Variants in PLCB1 observed in about 807,000 individuals in gnomAD.
PLCB1 encodes the protein phospholipase C beta 1, also known as 1-phosphatidylinositol 4,5-bisphosphate phosphodiesterase beta-1.
In PLCB1, 46 loss-of-function variants were observed where a neutral mutation model predicts 161.8. That is an observed-to-expected ratio of 0.28 (90% CI 0.22 to 0.36). PLCB1 has a LOEUF of 0.36. PLCB1 is among the 10% of genes least tolerant of loss of function. The pLI is 1.00. For missense variants in PLCB1, 1,016 were observed against 1,472.5 expected (o/e 0.69, Z 5.07); for synonymous variants, 517 against 503.7 (o/e 1.03, Z -0.35).
chr20:8,594,357 G>T (rs1447674841), intron 3 of PLCB1, among the ~76,000 whole-genome samples: 1 of 151,756 alleles, frequency 6.6e-6, no homozygotes, highest in Non-Finnish European at 1.5e-5. Context: ...GGTCCATGGT[G>T]TTCCTGGGCT....
chr20:8,651,737 G>A, intron 7 of PLCB1: 1 of 443,882 alleles, frequency 2.3e-6, no homozygotes, highest in East Asian at 3.1e-5. Context: ...TGTAAACTGG[G>A]GGAAGTGCTA....
chr20:8,293,843 C>T (rs371195708), intron 2 of PLCB1, among the ~76,000 whole-genome samples: 10 of 152,198 alleles, frequency 6.6e-5, no homozygotes, highest in African/African-American at 2.4e-4. Flanking sequence ...GACACCATTT[C>T]CCATTCTAAG....
intron 2 of PLCB1, among the ~76,000 whole-genome samples, chr20:8,359,434 T>C (rs1600341628): frequency 6.6e-6 from 1 of 152,104 alleles, no homozygotes; most frequent in African/African-American, 2.4e-5. Flanking sequence ...GAAAGTAAAA[T>C]AAAGAGAATA....
Position 8,881,613 on chromosome 20 carries a change from G to C in PLCB1, c.3424-9G>C. ...ACTTCAAGTCATCTCCCCTCTTGAT[G>C]TCTCTCAGCTGCAGGTGGAGCTGGA... is the stretch of plus-strand genomic sequence containing the variant. On this transcript the variant is annotated splice_polypyrimidine_tract_variant and intron_variant, in intron 31 of 31. Transcript: ENST00000338037. The C allele has an allele frequency of 6.2e-7, 1 of 1,607,882 alleles. No homozygotes were observed. Among genetic ancestry groups the C allele is most frequent in the South Asian group, 1.1e-5 (1 of 90,922 alleles).
chr20:8,773,617 A>G (rs1441481890), intron 26 of PLCB1, among the ~76,000 whole-genome samples: 1 of 152,214 alleles, frequency 6.6e-6, no homozygotes, highest in Non-Finnish European at 1.5e-5. Context: ...GGGTAAAGAT[A>G]TCAGTGAAGT....
Position 8,674,979 on chromosome 20 carries a change from AT to A in PLCB1, c.863-9945del, listed in dbSNP as rs1462336226. Among the ~76,000 whole-genome samples the A allele has an allele frequency of 8.6e-5, 13 of 151,984 alleles. 1 individual carries two copies. The East Asian group carries it at 2.5e-3, about 29-fold the overall frequency. On this transcript the variant is annotated intron_variant, in intron 9 of 31. Coordinates refer to ENST00000338037, the MANE Select transcript of PLCB1 (RefSeq NM_015192.4). The stretch of plus-strand genomic sequence containing the variant: ...AGAATTTAGTTCTAGAAGTCTCCTT[AT>A]TTTTTTTAGATTTGATGGTATAATT...
chr20:8,424,541 A>G (rs1979668457), intron 3 of PLCB1, among the ~76,000 whole-genome samples: 2 of 152,110 alleles, frequency 1.3e-5, no homozygotes, highest in Non-Finnish European at 2.9e-5. Flanking sequence ...ACTAACTCCC[A>G]TGACCTGCAT....
intron 2 of PLCB1, chr20:8,305,731 C>A (rs1008791956): frequency 3.3e-5 from 5 of 152,144 alleles, no homozygotes; most frequent in Non-Finnish European, 1.5e-5. Context: ...TCCCTGAACC[C>A]CTATAAACCT....
intron 3 of PLCB1, among the ~76,000 whole-genome samples, chr20:8,566,764 C>T (rs1342424432): frequency 6.7e-6 from 1 of 149,930 alleles, no homozygotes; most frequent in African/African-American, 2.5e-5. Flanking sequence ...GTTTTCTGCA[C>T]TTCGGTTACT....
intron 3 of PLCB1, among the ~76,000 whole-genome samples, chr20:8,574,086 G>A (rs1364108738): frequency 6.6e-6 from 1 of 152,204 alleles, no homozygotes; most frequent in East Asian, 1.9e-4. Flanking sequence ...AAGGAATCAA[G>A]GCCAAAGAAC....
intron 24 of PLCB1, 82 bp downstream of exon 24, chr20:8,757,260 G>C (rs1981787297): frequency 7.1e-7 from 1 of 1,402,468 alleles, no homozygotes; most frequent in East Asian, 2.3e-5. Context: ...CTGTGATGTG[G>C]GTAGCTAAAG....
chr20:8,134,389 C>T (rs1600188210), intron 1 of PLCB1, among the ~76,000 whole-genome samples: 1 of 152,314 alleles, frequency 6.6e-6, no homozygotes, highest in East Asian at 1.9e-4. Context: ...TCAGCGTAAG[C>T]TCTGGATTTG....
At chr20:8,184,769 T>TTATTATTATTA (rs2051882736) in intron 2 of PLCB1, among the ~76,000 whole-genome samples, 1 of 141,916 alleles carries the variant, frequency 7.0e-6, no homozygotes, top group African/African-American at 2.6e-5. Flanking sequence ...TGGCAATACC[T>TTATTATTATTA]TTATTATTAT....
intron 31 of PLCB1, among the ~76,000 whole-genome samples, chr20:8,816,946 T>A (rs1323391487): frequency 6.6e-6 from 1 of 152,170 alleles, no homozygotes. Flanking sequence ...ATTTCTAGCT[T>A]TAAAAAGAAA....
chr20:8,153,239 A>C (rs1345937619), intron 2 of PLCB1, among the ~76,000 whole-genome samples: 1 of 152,186 alleles, frequency 6.6e-6, no homozygotes, highest in Non-Finnish European at 1.5e-5. Context: ...ATAAATGTTC[A>C]TGCTTTGTAC....
intron 26 of PLCB1, among the ~76,000 whole-genome samples, chr20:8,770,733 A>G (rs1461182307): frequency 6.6e-6 from 1 of 152,154 alleles, no homozygotes; most frequent in African/African-American, 2.4e-5. Flanking sequence ...CATTCTTCTG[A>G]GTTTCTGATT....
chr20:8,169,551 C>T (rs2051711133), intron 2 of PLCB1, among the ~76,000 whole-genome samples: 1 of 152,004 alleles, frequency 6.6e-6, no homozygotes, highest in Admixed American at 6.6e-5. Flanking sequence ...GACAGGTATT[C>T]GGATACTTCT....
chr20:8,146,068 G>A (rs554249275), intron 1 of PLCB1, among the ~76,000 whole-genome samples: 2 of 149,946 alleles, frequency 1.3e-5, no homozygotes, highest in South Asian at 4.3e-4. Flanking sequence ...TGGTTTTGGG[G>A]AACAAAAGAA....
chr20:8,753,886 G>A (rs777019188), intron 23 of PLCB1, among the ~76,000 whole-genome samples: 1 of 152,110 alleles, frequency 6.6e-6, no homozygotes, highest in South Asian at 2.1e-4. Context: ...TTGCCCTATT[G>A]CATTAAATCT....
Sources: gnomAD v4.1 joint callset for allele counts (sites outside exome capture counted in the v4.1 genomes callset) on GRCh38, gnomAD v4.1.1 for gene constraint, MANE v1.5 for transcripts, NCBI Gene and HGNC (gene_info 2026-07-23, HGNC 2026-07-21) for gene names.